SUDS3: variants seen among roughly 807,000 people sequenced by gnomAD.
SUDS3 encodes SIN3A corepressor complex component SDS3.
A neutral mutation model predicts 53.5 loss-of-function variants in SUDS3; 23 were observed. The ratio of observed to expected loss-of-function variants is 0.43; its 90% CI spans 0.31 to 0.61. The LOEUF (loss-of-function observed/expected upper bound fraction) is 0.61, where lower values mean the gene tolerates loss of function less well. Among genes scored for constraint, SUDS3 ranks in the 20% least tolerant of loss-of-function variants. The pLI is 0.10. For missense variants in SUDS3, 291 were observed against 405.9 expected (o/e 0.72, Z 2.43); for synonymous variants, 150 against 148.5 (o/e 1.01, Z -0.08).
At chr12:118,406,250 C>T (rs777637433) in intron 10 of SUDS3, among the ~76,000 whole-genome samples, 98 of 152,120 alleles carry the variant, frequency 6.4e-4, no homozygotes, top group Non-Finnish European at 1.1e-3. Context: ...GAGTCAGAAA[C>T]GAAGCCACCC....
At position 118,376,616 on chromosome 12, in the gene SUDS3, G is replaced by A; in HGVS notation, c.-76G>A. On this transcript the variant is annotated 5_prime_UTR_variant, in exon 1 of 12. Transcript: ENST00000543473. ...CGAGTTGGGGGCTGCCGCGGACACT[G>A]CTAGGCAGACGGCGAGTACCGAGCG... The A allele has an allele frequency of 7.3e-7, 1 of 1,372,684 alleles. No homozygotes were observed. Among genetic ancestry groups the A allele is most frequent in the South Asian group, 1.7e-5 (1 of 59,156 alleles). The allele number at this position is 1,372,684 out of a possible 1,614,324, so 85.0% of individuals were successfully genotyped here.
At chr12:118,390,861 A>C in intron 5 of SUDS3, 1 of 454,234 alleles carries the variant, frequency 2.2e-6, no homozygotes, top group South Asian at 2.2e-5. Flanking sequence ...TACCTTTGAG[A>C]AATGTGTTTT....
rs559851126 is a variant in SUDS3 at position 118,393,566 on chromosome 12, C to T, written c.517+2284C>T. On this transcript the variant is annotated intron_variant, in intron 6 of 11. Transcript: ENST00000543473. ...AGAATTATAGGTCAGTGCATCCCAA[C>T]TTCAATGTGTTAGGTCAGTGGGGTC... 2.6e-5 allele frequency among the ~76,000 whole-genome samples: 4 copies of T among 152,132 alleles called. No individual in the cohort carries two copies. The East Asian group carries it at 7.7e-4, about 29-fold the overall frequency.
rs1374180583 is a variant in SUDS3, at chr12:118,416,982, C to G, written c.*2549C>G. 1 of 152,206 alleles carries G rather than the reference C, an allele frequency of 6.6e-6. No individual in the cohort carries two copies. Among genetic ancestry groups the G allele is most frequent in the Non-Finnish European group, 1.5e-5 (1 of 68,054 alleles). 9.4% of individuals were successfully genotyped at this position (152,206 alleles called of 1,614,324 possible). On this transcript the variant is annotated 3_prime_UTR_variant, in exon 12 of 12. Transcript: ENST00000543473. ...TGTATATGTGTTGTGTTAGAGGCAT[C>G]TGCCTCAAGTCTATGTACAGTGTTT...
chr12:118,402,114 C>T, intron 9 of SUDS3, 110 bp downstream of exon 9: 1 of 1,284,562 alleles, frequency 7.8e-7, no homozygotes, highest in South Asian at 1.2e-5. Context: ...AAATGTTCAT[C>T]ATTTGCCTAA....
intron 6 of SUDS3, among the ~76,000 whole-genome samples, chr12:118,399,978 C>T (rs546772657): frequency 2.3e-4 from 35 of 152,114 alleles, no homozygotes; most frequent in African/African-American, 7.7e-4. Flanking sequence ...AAGCGAACCC[C>T]GAGGAGGCAG....
At chr12:118,393,870 C>T (rs1287665081) in intron 6 of SUDS3, among the ~76,000 whole-genome samples, 4 of 151,838 alleles carry the variant, frequency 2.6e-5, no homozygotes, top group African/African-American at 9.7e-5. Flanking sequence ...AGGGTTTCAT[C>T]ATGTTTGCCA....
chr12:118,380,520 G>C (rs1326897384), intron 2 of SUDS3, among the ~76,000 whole-genome samples: 2 of 152,142 alleles, frequency 1.3e-5, no homozygotes, highest in African/African-American at 2.4e-5. Flanking sequence ...GTAACCTTGT[G>C]TGTATGAGTT....
At chr12:118,411,240 C>T (rs947793404) in intron 11 of SUDS3, 83 bp downstream of exon 11, 6 of 1,287,570 alleles carry the variant, frequency 4.7e-6, no homozygotes, top group African/African-American at 1.5e-5. Context: ...ATGAAAGTGC[C>T]ACCAAGGAAG....
intron 1 of SUDS3, among the ~76,000 whole-genome samples, chr12:118,378,035 AC>A (rs953459168): frequency 2.0e-5 from 3 of 152,250 alleles, no homozygotes; most frequent in African/African-American, 7.2e-5. Flanking sequence ...ACACGGCTTA[AC>A]CAGAGATTTT....
Position 118,376,725 on chromosome 12 carries a change from G to T in SUDS3, c.34G>T (p.Ala12Ser). 6.5e-7 allele frequency: 1 copy of T among 1,529,792 alleles called. No homozygotes were observed. The highest frequency in any genetic ancestry group is 2.5e-5 in the East Asian group (1 of 39,520). 94.8% of individuals were successfully genotyped at this position (1,529,792 alleles called of 1,614,324 possible). A position where few individuals can be genotyped will look rare whatever the true frequency, so the allele number is the denominator to read the frequency against. ...SAAGLLAPAP[A>S]QAGAPPAPEY... ...CGCGGGGCTGCTGGCCCCGGCCCCGGCCCAGGCTGGAGCGCCGCCGGCCCC... is the reference window on the plus strand; with the variant it reads ...CGCGGGGCTGCTGGCCCCGGCCCCGTCCCAGGCTGGAGCGCCGCCGGCCCC... The change falls in exon 1 of 12, where the codon GCC becomes TCC. Residue 12 changes from alanine to serine, a missense_variant. Physicochemically the swap from Ala to Ser is moderately conservative, Grantham distance 99 (BLOSUM62 1). Around this residue, in one of 4 missense-constraint regions of SUDS3, gnomAD observed 149 missense variants for 146.5 expected, o/e 1.02. Coordinates refer to ENST00000543473, the MANE Select transcript of SUDS3 (RefSeq NM_022491.3).
intron 6 of SUDS3, among the ~76,000 whole-genome samples, chr12:118,400,072 G>A (rs548650631): frequency 1.3e-5 from 2 of 152,226 alleles, no homozygotes; most frequent in East Asian, 3.9e-4. Context: ...ACAGAGAGGA[G>A]TGAAGAAGAA....
At chr12:118,397,545 A>C (rs1465131423) in intron 6 of SUDS3, among the ~76,000 whole-genome samples, 5 of 152,114 alleles carry the variant, frequency 3.3e-5, no homozygotes, top group South Asian at 2.1e-4. Context: ...CATGGCCTCA[A>C]ATCATGTTTT....
chr12:118,378,605 C>T (rs1010623580), intron 1 of SUDS3, among the ~76,000 whole-genome samples: 3 of 151,970 alleles, frequency 2.0e-5, no homozygotes, highest in Admixed American at 1.3e-4. Flanking sequence ...CCTCAGTCTC[C>T]GGAGTAGTTG....
intron 10 of SUDS3, among the ~76,000 whole-genome samples, chr12:118,408,662 C>T (rs1161984533): frequency 1.3e-5 from 2 of 151,924 alleles, no homozygotes; most frequent in African/African-American, 2.4e-5. Flanking sequence ...ATCATAAACA[C>T]AGGAACATAG....
Position 118,400,715 on chromosome 12 carries a change from C to A in SUDS3, c.574C>A (p.Pro192Thr). 1 of 1,613,982 alleles carries A rather than the reference C, an allele frequency of 6.2e-7. No individual in the cohort carries two copies. The highest frequency in any genetic ancestry group is 8.5e-7 in the Non-Finnish European group (1 of 1,179,898). The change falls in exon 7 of 12, where the codon CCC (proline) becomes ACC (threonine). Residue 192 changes from proline (P) to threonine (T), a missense_variant. Coordinates refer to ENST00000543473, the MANE Select transcript of SUDS3 (RefSeq NM_022491.3). ...TRKLRRRPND[P>T]VPIPDKRRKP... Reference sequence around the variant, plus strand: ...AAAGTTGCGGAGGCGACCAAATGATCCCGTCCCCATCCCAGACAAGAGGAG... The same window carrying A: ...AAAGTTGCGGAGGCGACCAAATGATACCGTCCCCATCCCAGACAAGAGGAG...
In SUDS3 at chr12:118,401,861, T is replaced by G. The variant is rs1291736143; in HGVS notation, c.675+41T>G. 4 of 1,606,212 alleles carry G rather than the reference T, an allele frequency of 2.5e-6. No individual in the cohort carries two copies. The Admixed American group carries it at 5.0e-5, about 20-fold the overall frequency. On this transcript the variant is annotated intron_variant, in intron 8 of 11. Transcript: ENST00000543473. ...TTTGATTTATTTGAAAACTCAGGCTTTTGTGGTTTTCTGATTTTGTTTGTT... is the reference window on the plus strand; with the variant it reads ...TTTGATTTATTTGAAAACTCAGGCTGTTGTGGTTTTCTGATTTTGTTTGTT...
rs528571515 is a variant in SUDS3 at position 118,380,044 on chromosome 12, G to A, written c.143-118G>A. On this transcript the variant is annotated intron_variant, in intron 1 of 11. Coordinates refer to ENST00000543473, the MANE Select transcript of SUDS3 (RefSeq NM_022491.3). ...GTTTTTCATTGATGGCTTTGTGCAA[G>A]CCTGCCTTGAATAGAAATTGATTTT... 2.3e-4 allele frequency: 184 copies of A among 802,244 alleles called. 3 individuals are homozygous for A. The South Asian group carries it at 3.0e-3, about 13-fold the overall frequency. 49.7% of individuals were successfully genotyped at this position (802,244 alleles called of 1,614,324 possible).
chr12:118,412,532 G>T (rs939722216), intron 11 of SUDS3, among the ~76,000 whole-genome samples: 1 of 152,172 alleles, frequency 6.6e-6, no homozygotes, highest in South Asian at 2.1e-4. Context: ...ATCCGTGTGA[G>T]TCCCCTCAAG....
Sources: gnomAD v4.1 joint callset for allele counts (sites outside exome capture counted in the v4.1 genomes callset) on GRCh38, gnomAD v4.1.1 for gene constraint, gnomAD v4.1.1 regional missense constraint, MANE v1.5 for transcripts, NCBI Gene and HGNC (gene_info 2026-07-23, HGNC 2026-07-21) for gene names.